The following CSNK1G1 variants were observed in gnomAD, a reference collection of about 807,000 sequenced individuals.
The protein encoded by CSNK1G1 is casein kinase 1 gamma 1, also known as casein kinase I isoform gamma-1.
In CSNK1G1, 22 loss-of-function variants were observed where a neutral mutation model predicts 59.6. The observed-to-expected ratio is 0.37, with a 90% CI of 0.26 to 0.53. CSNK1G1 has a LOEUF of 0.53. Among genes scored for constraint, CSNK1G1 ranks in the 20% least tolerant of loss-of-function variants. The probability of loss-of-function intolerance (pLI) is 0.89; values close to 1 mark genes in which losing one functional copy is unlikely to be tolerated. For synonymous variants in CSNK1G1, 179 were observed against 177.1 expected (o/e 1.01, Z -0.08); for missense variants, 384 against 519.5 (o/e 0.74, Z 2.54).
intron 2 of CSNK1G1, among the ~76,000 whole-genome samples, chr15:64,265,608 A>T (rs1017269178): frequency 2.0e-5 from 3 of 151,882 alleles, no homozygotes; most frequent in African/African-American, 7.3e-5. Flanking sequence ...GTATGTCTTT[A>T]TTACTGGCAT....
intron 1 of CSNK1G1, among the ~76,000 whole-genome samples, chr15:64,340,276 CTT>C (rs746795135): frequency 1.4e-4 from 22 of 152,140 alleles, no homozygotes; most frequent in Non-Finnish European, 2.6e-4. Context: ...TTCTTTAAAA[CTT>C]GAGTACAATG....
chr15:64,300,260 C>A, intron 2 of CSNK1G1, 59 bp downstream of exon 2: 1 of 1,512,050 alleles, frequency 6.6e-7, no homozygotes, highest in South Asian at 1.2e-5. Context: ...TTGAAACACA[C>A]CAAAGCTTAT....
At chr15:64,189,936 A>C (rs1041185505) in intron 10 of CSNK1G1, among the ~76,000 whole-genome samples, 1 of 149,830 alleles carries the variant, frequency 6.7e-6, no homozygotes, top group South Asian at 2.1e-4. Context: ...CTTCTGCCTC[A>C]GCCTCCTGAG....
chr15:64,261,717 G>C (rs201654922), intron 2 of CSNK1G1, among the ~76,000 whole-genome samples: 17 of 151,946 alleles, frequency 1.1e-4, no homozygotes, highest in Admixed American at 1.1e-3. Flanking sequence ...GGGCGAGGCA[G>C]GTGGCTCAAG....
chr15:64,228,790 T>C (rs1596126785), intron 4 of CSNK1G1, among the ~76,000 whole-genome samples: 1 of 151,774 alleles, frequency 6.6e-6, no homozygotes, highest in Non-Finnish European at 1.5e-5. Context: ...CCAAGGCAGG[T>C]GGATTGCTTG....
chr15:64,280,352 G>A (rs72756979), intron 2 of CSNK1G1, among the ~76,000 whole-genome samples: 6,733 of 151,682 alleles, frequency 0.044, 195 homozygotes, highest in South Asian at 0.085. Flanking sequence ...GACAACCAGG[G>A]CAAAATAGGT....
intron 2 of CSNK1G1, among the ~76,000 whole-genome samples, chr15:64,270,759 C>CA (rs746403335): frequency 0.17 from 17,668 of 103,018 alleles, 2,015 homozygotes; most frequent in African/African-American, 0.37. Flanking sequence ...GACTCCGTCT[C>CA]AAAAAAAAAA....
At chr15:64,318,475 C>A (rs1422162173) in intron 1 of CSNK1G1, among the ~76,000 whole-genome samples, 1 of 151,952 alleles carries the variant, frequency 6.6e-6, no homozygotes, top group Non-Finnish European at 1.5e-5. Context: ...TTGGTTAATT[C>A]ATTATATCAT....
intron 2 of CSNK1G1, among the ~76,000 whole-genome samples, chr15:64,259,994 A>T (rs1354477607): frequency 6.6e-6 from 1 of 152,206 alleles, no homozygotes; most frequent in Admixed American, 6.5e-5. Context: ...GGCCAGAGCA[A>T]CAACATTCAC....
intron 4 of CSNK1G1, among the ~76,000 whole-genome samples, chr15:64,222,827 G>A (rs192112396): frequency 3.3e-5 from 5 of 152,000 alleles, no homozygotes; most frequent in African/African-American, 7.2e-5. Context: ...AGAAATAAAG[G>A]GTTTTGCTTT....
chr15:64,304,151 G>A lies in CSNK1G1; in HGVS notation c.-224-3428C>T, dbSNP rs1596249425. On this transcript the variant is annotated intron_variant, in intron 1 of 11. Coordinates refer to ENST00000303052, the MANE Select transcript of CSNK1G1 (RefSeq NM_022048.5). ...GCCTATAATCCCAGTACTTTGGGAG[G>A]CCGAGGTGGGCAGATCACCTGAGGT... is the stretch of plus-strand genomic sequence containing the variant. Among the ~76,000 whole-genome samples, 3 of 152,126 alleles carry A rather than the reference G, an allele frequency of 2.0e-5. No individual in the cohort carries two copies. In the East Asian group the frequency reaches 5.8e-4, roughly 29 times the overall value.
Position 64,203,055 on chromosome 15 carries a change from C to G in CSNK1G1, c.1107+27G>C, listed in dbSNP as rs761079289. ...TATTAGCCAAGAAGAAGGGTAGTGT[C>G]TGAAAGAATGGAGGATCAACACATA... On this transcript the variant is annotated intron_variant, in intron 10 of 11. Transcript: ENST00000303052. The G allele has an allele frequency of 3.2e-6, 5 of 1,538,566 alleles. No individual in the cohort carries two copies. In the African/African-American group the frequency reaches 6.8e-5, roughly 21 times the overall value.
chr15:64,329,223 T>A (rs1193626288), intron 1 of CSNK1G1, among the ~76,000 whole-genome samples: 5 of 152,038 alleles, frequency 3.3e-5, no homozygotes, highest in Admixed American at 3.3e-4. Flanking sequence ...GAATATACAT[T>A]TTTTTCAGCA....
chr15:64,300,633 G>C lies in CSNK1G1; in HGVS notation c.-134C>G, dbSNP rs1471177875. ...AGTTCTTTTAGCACCATATTTGTTT[G>C]TAATGTATCTCCGGGAGATGAAAAA... On this transcript the variant is annotated 5_prime_UTR_variant, in exon 2 of 12. The change creates a premature stop within an existing upstream ORF in the 5' untranslated region. Coordinates refer to ENST00000303052, the MANE Select transcript of CSNK1G1 (RefSeq NM_022048.5). The C allele has an allele frequency of 2.5e-5, 34 of 1,363,822 alleles. No individual in the cohort carries two copies. The highest frequency in any genetic ancestry group is 3.2e-5 in the Non-Finnish European group (34 of 1,052,722). The allele number at this position is 1,363,822 out of a possible 1,614,324, so 84.5% of individuals were successfully genotyped here. A position where few individuals can be genotyped will look rare whatever the true frequency, so the allele number is the denominator to read the frequency against.
chr15:64,289,684 G>C (rs1447829747), intron 2 of CSNK1G1, among the ~76,000 whole-genome samples: 1 of 151,968 alleles, frequency 6.6e-6, no homozygotes, highest in Non-Finnish European at 1.5e-5. Flanking sequence ...GCATCTAACA[G>C]GAAACTAATA....
intron 3 of CSNK1G1, among the ~76,000 whole-genome samples, chr15:64,252,045 C>T (rs1430554205): frequency 6.6e-6 from 1 of 151,750 alleles, no homozygotes; most frequent in African/African-American, 2.4e-5. Context: ...ATCTGTGATC[C>T]TGTCACTTTA....
At chr15:64,327,024 C>A (rs1479043423) in intron 1 of CSNK1G1, among the ~76,000 whole-genome samples, 1 of 150,658 alleles carries the variant, frequency 6.6e-6, no homozygotes, top group East Asian at 1.9e-4. Context: ...GAGGGTCCTA[C>A]GCCCACGGAA....
intron 2 of CSNK1G1, among the ~76,000 whole-genome samples, chr15:64,295,871 C>T (rs1359642307): frequency 6.6e-6 from 1 of 152,198 alleles, no homozygotes; most frequent in African/African-American, 2.4e-5. Flanking sequence ...AAACACTTCA[C>T]AATTTCGTCC....
intron 10 of CSNK1G1, among the ~76,000 whole-genome samples, chr15:64,183,934 A>C (rs1377703677): frequency 2.0e-5 from 3 of 151,952 alleles, no homozygotes; most frequent in Non-Finnish European, 4.4e-5. Context: ...ATGGGGTTTC[A>C]CCATATTGGC....
Sources: allele counts gnomAD v4.1 joint callset (sites outside exome capture counted in the v4.1 genomes callset), GRCh38; gene constraint gnomAD v4.1.1; transcripts MANE v1.5; gene names NCBI Gene and HGNC (gene_info 2026-07-23, HGNC 2026-07-21).